Variants in P2RY2 observed in about 807,000 individuals in gnomAD.
P2RY2 encodes the protein purinergic receptor P2Y2.
For missense variants in P2RY2, 567 were observed against 515.7 expected, an observed-to-expected ratio of 1.10 and a Z score of -0.96; for synonymous variants, 241 against 231.9, an observed-to-expected ratio of 1.04 and a Z score of -0.35.
Position 73,235,736 on chromosome 11 carries a change from C to T in P2RY2, c.*443C>T. On this transcript the variant is annotated 3_prime_UTR_variant, in exon 3 of 3. Transcript: ENST00000393597. ...GCCAAGTCACAGGTTGGCCAGAAAA[C>T]CCTGGTAAGTAATGAGGGCTGAGTT... 9.9e-7 allele frequency: 1 copy of T among 1,005,694 alleles called. No individual in the cohort carries two copies. The highest frequency in any genetic ancestry group is 1.2e-6 in the Non-Finnish European group (1 of 834,020). The allele number at this position is 1,005,694 out of a possible 1,614,324, so 62.3% of individuals were successfully genotyped here.
chr11:73,219,811 C>A (rs1312362025), intron 1 of P2RY2, among the ~76,000 whole-genome samples: 1 of 152,222 alleles, frequency 6.6e-6, no homozygotes, highest in Non-Finnish European at 1.5e-5. Context: ...CTACTCTCAC[C>A]TTCCTCAACT....
intron 2 of P2RY2, among the ~76,000 whole-genome samples, chr11:73,230,124 T>TCTCCTTG (rs1244795598): frequency 6.6e-6 from 1 of 151,928 alleles, no homozygotes; most frequent in African/African-American, 2.4e-5. Context: ...CAAGGGGGCC[T>TCTCCTTG]CTCCTTGCTC....
rs1163105088 is a variant in P2RY2 at position 73,239,061 on chromosome 11, C to G, written c.*3768C>G. ...GTTGAGGGGCTTCCCTACGTTATTA[C>G]GCACAAAGTCCTCCTCACAGTGCCT... is the stretch of plus-strand genomic sequence containing the variant. On this transcript the variant is annotated 3_prime_UTR_variant, in exon 3 of 3. Transcript: ENST00000393597. The G allele has an allele frequency of 6.6e-6, 1 of 152,256 alleles. No individual in the cohort carries two copies. Among genetic ancestry groups the G allele is most frequent in the African/African-American group, 2.4e-5 (1 of 41,464 alleles). 9.4% of individuals were successfully genotyped at this position (152,256 alleles called of 1,614,324 possible).
rs144099473 is a variant in P2RY2 at position 73,233,830 on chromosome 11, C to T, written c.-4-326C>T. 1.8e-4 allele frequency among the ~76,000 whole-genome samples: 28 copies of T among 152,318 alleles called. No homozygotes were observed. In the East Asian group the frequency reaches 5.2e-3, roughly 28 times the overall value. On this transcript the variant is annotated intron_variant, in intron 2 of 2. Coordinates refer to ENST00000393597, the MANE Select transcript of P2RY2 (RefSeq NM_002564.4). ...GTCAGATAGTGAATATTTTAGACTT[C>T]ACAGGCCATATGGTCTTTATCACAA...
intron 1 of P2RY2, among the ~76,000 whole-genome samples, chr11:73,223,757 G>A (rs925174764): frequency 2.0e-5 from 3 of 152,214 alleles, no homozygotes; most frequent in Non-Finnish European, 2.9e-5. Context: ...TAATTTAGTA[G>A]CATGTCTCTG....
At chr11:73,227,722 G>A (rs1790083) in intron 1 of P2RY2, among the ~76,000 whole-genome samples, 2 of 152,104 alleles carry the variant, frequency 1.3e-5, no homozygotes, top group Admixed American at 1.3e-4. Context: ...TACAGGACAT[G>A]GGGGAGACCT....
At chr11:73,223,289 C>A (rs1400809427) in intron 1 of P2RY2, among the ~76,000 whole-genome samples, 1 of 152,182 alleles carries the variant, frequency 6.6e-6, no homozygotes. Context: ...TCCTCCCAAG[C>A]TGGACCCTTC....
intron 1 of P2RY2, among the ~76,000 whole-genome samples, chr11:73,222,626 C>T (rs781682604): frequency 4.6e-5 from 7 of 152,138 alleles, no homozygotes; most frequent in Non-Finnish European, 8.8e-5. Flanking sequence ...CTTTTTCCAG[C>T]AGGTCACACT....
At chr11:73,231,659 G>A (rs1426687914) in intron 2 of P2RY2, among the ~76,000 whole-genome samples, 2 of 152,130 alleles carry the variant, frequency 1.3e-5, no homozygotes, top group African/African-American at 4.8e-5. Context: ...AACTGCCTCC[G>A]GGAAGCCAGG....
At chr11:73,224,322 C>T (rs1209720760) in intron 1 of P2RY2, among the ~76,000 whole-genome samples, 1 of 152,238 alleles carries the variant, frequency 6.6e-6, no homozygotes, top group Non-Finnish European at 1.5e-5. Context: ...GTTCCTCAAA[C>T]GTGTCATGTC....
chr11:73,231,539 G>A (rs1862459020), intron 2 of P2RY2, among the ~76,000 whole-genome samples: 1 of 151,208 alleles, frequency 6.6e-6, no homozygotes, highest in South Asian at 2.1e-4. Flanking sequence ...TCTGGGTGAT[G>A]GAGTGAGAAT....
rs367746501 is a variant in P2RY2 at position 73,235,344 on chromosome 11, C to T, written c.*51C>T. ...GTTTATATTGGGAAGCTGTAGAGGA[C>T]CAGGACTTGTGCAGACGCCACAGTC... On this transcript the variant is annotated 3_prime_UTR_variant, in exon 3 of 3. Transcript: ENST00000393597. 2 of 1,512,746 alleles carry T rather than the reference C, an allele frequency of 1.3e-6. No homozygotes were observed. Among genetic ancestry groups the T allele is most frequent in the Non-Finnish European group, 1.8e-6 (2 of 1,130,628 alleles). The allele number at this position is 1,512,746 out of a possible 1,614,324, so 93.7% of individuals were successfully genotyped here.
intron 2 of P2RY2, among the ~76,000 whole-genome samples, chr11:73,229,221 G>A (rs1862376573): frequency 6.6e-6 from 1 of 152,144 alleles, no homozygotes; most frequent in Admixed American, 6.5e-5. Context: ...AAGATCCTTT[G>A]GGACCTACAA....
Position 73,234,548 on chromosome 11 carries a change from ACC to A in P2RY2, c.390_391del (p.His130GlnfsTer108). On this transcript the variant is annotated frameshift_variant, in exon 3 of 3. Coordinates refer to ENST00000393597, the MANE Select transcript of P2RY2 (RefSeq NM_002564.4). LOFTEE classifies it low-confidence loss of function (END_TRUNC). ...CTCTTCCTCACCTGCATCAGCGTGC[ACC>A]GGTGTCTGGGCGTCTTACGACCTCT... 1 of 1,600,204 alleles carries A rather than the reference ACC, an allele frequency of 6.2e-7. No homozygotes were observed. The highest frequency in any genetic ancestry group is 8.5e-7 in the Non-Finnish European group (1 of 1,172,218).
intron 2 of P2RY2, among the ~76,000 whole-genome samples, chr11:73,229,888 GC>G (rs879709993): frequency 1.6e-4 from 24 of 152,088 alleles, no homozygotes; most frequent in South Asian, 4.1e-4. Flanking sequence ...CATGGAGGAA[GC>G]CCCCTCCCTG....
In P2RY2 at chr11:73,235,673, A is replaced by G; in HGVS notation, c.*380A>G. On this transcript the variant is annotated 3_prime_UTR_variant, in exon 3 of 3. Coordinates refer to ENST00000393597, the MANE Select transcript of P2RY2 (RefSeq NM_002564.4). ...GAGAGGAAGGTGGCTTACCAAGATC[A>G]CATACCAGAGTCTGGAGCTGAGCTA... is the stretch of plus-strand genomic sequence containing the variant. The G allele has an allele frequency of 9.8e-7, 1 of 1,018,000 alleles. No individual in the cohort carries two copies. The highest frequency in any genetic ancestry group is 1.2e-6 in the Non-Finnish European group (1 of 842,270). 63.1% of individuals were successfully genotyped at this position (1,018,000 alleles called of 1,614,324 possible). A position where few individuals can be genotyped will look rare whatever the true frequency, so the allele number is the denominator to read the frequency against.
In P2RY2 at chr11:73,234,894, C is replaced by T; in HGVS notation, c.735C>T (p.Arg245=). The change falls in exon 3 of 3, where the codon CGC becomes CGT. Residue 245 remains arginine, a synonymous_variant. Transcript: ENST00000393597. ...GLPRAKRKSV[R]TIAVVLAVFA... is the part of the protein sequence containing the mutation. ...CTAGGGCCAAGCGCAAGTCCGTGCG[C>T]ACCATCGCCGTGGTGCTGGCTGTCT... The T allele has an allele frequency of 1.9e-6, 3 of 1,610,734 alleles. No individual in the cohort carries two copies. The highest frequency in any genetic ancestry group is 1.6e-4 in the Middle Eastern group (1 of 6,062).
chr11:73,233,755 G>C (rs1862529778), intron 2 of P2RY2, among the ~76,000 whole-genome samples: 1 of 152,198 alleles, frequency 6.6e-6, no homozygotes, highest in Non-Finnish European at 1.5e-5. Flanking sequence ...GAGTGGCTAG[G>C]ATTATAGGCA....
chr11:73,219,970 G>A (rs1031499331), intron 1 of P2RY2, among the ~76,000 whole-genome samples: 5 of 152,214 alleles, frequency 3.3e-5, no homozygotes, highest in African/African-American at 1.2e-4. Context: ...CATGATCTAT[G>A]TCTGTCTCCT....
Sources: gnomAD v4.1 joint callset for allele counts (sites outside exome capture counted in the v4.1 genomes callset) on GRCh38, gnomAD v4.1.1 for gene constraint, MANE v1.5 for transcripts, NCBI Gene and HGNC (gene_info 2026-07-23, HGNC 2026-07-21) for gene names.